Variants in SAE1 observed in about 807,000 individuals in gnomAD.
SAE1 encodes the protein SUMO1 activating enzyme subunit 1, also known as SUMO-activating enzyme subunit 1.
SAE1 carries 11 observed loss-of-function variants against 40.6 expected under a neutral mutation model. The observed-to-expected ratio is 0.27, with a 90% CI of 0.17 to 0.45. The LOEUF (loss-of-function observed/expected upper bound fraction) is 0.45, where lower values mean the gene tolerates loss of function less well. SAE1 is among the 20% of genes least tolerant of loss of function. The pLI is 1.00. For synonymous variants in SAE1, 155 were observed against 154.3 expected (o/e 1.00, Z -0.03); for missense variants, 373 against 427.3 (o/e 0.87, Z 1.12).
At chr19:47,173,133 A>G (rs578173357) in intron 6 of SAE1, among the ~76,000 whole-genome samples, 1 of 152,058 alleles carries the variant, frequency 6.6e-6, no homozygotes, top group Non-Finnish European at 1.5e-5. Context: ...GGTTCGAGCG[A>G]TTCTACAGGC....
At chr19:47,147,851 C>T (rs1007950301) in intron 2 of SAE1, among the ~76,000 whole-genome samples, 1 of 151,036 alleles carries the variant, frequency 6.6e-6, no homozygotes, top group African/African-American at 2.4e-5. Context: ...CTCTGCCTCC[C>T]GGGTTCACAC....
At chr19:47,183,959 G>A (rs948387598) in intron 6 of SAE1, among the ~76,000 whole-genome samples, 5 of 152,186 alleles carry the variant, frequency 3.3e-5, no homozygotes, top group Admixed American at 3.3e-4. Flanking sequence ...GCAAAGCAAT[G>A]CATTAGGGGC....
At chr19:47,173,456 A>G (rs549631901) in intron 6 of SAE1, among the ~76,000 whole-genome samples, 1 of 152,260 alleles carries the variant, frequency 6.6e-6, no homozygotes, top group African/African-American at 2.4e-5. Context: ...CCTAGATATC[A>G]GTTTTGTCCC....
At chr19:47,157,282 C>G (rs1030653999) in intron 5 of SAE1, among the ~76,000 whole-genome samples, 8 of 152,052 alleles carry the variant, frequency 5.3e-5, no homozygotes, top group Non-Finnish European at 1.0e-4. Context: ...AACTTGGGTG[C>G]CTTTCTTTCT....
At position 47,196,333 on chromosome 19, in the gene SAE1, C is replaced by T. The variant is rs571579984; in HGVS notation, c.734-900C>T. Among the ~76,000 whole-genome samples the T allele has an allele frequency of 9.2e-3, 257 of 27,878 alleles. 4 individuals are homozygous for T. The highest frequency in any genetic ancestry group is 0.015 in the Admixed American group (21 of 1,410). The allele number at this position is 27,878 out of a possible 152,430, so 18.3% of individuals were successfully genotyped here. Reference sequence around the variant, plus strand: ...TACAGGCGTGAGCCACCGCGCCTGGCTTTTTTTTTTTTTTTTTTTTTTTTT... The same window carrying T: ...TACAGGCGTGAGCCACCGCGCCTGGTTTTTTTTTTTTTTTTTTTTTTTTTT... On this transcript the variant is annotated intron_variant, in intron 6 of 8. Transcript: ENST00000270225.
At chr19:47,181,552 C>T (rs1411296682) in intron 6 of SAE1, among the ~76,000 whole-genome samples, 1 of 137,804 alleles carries the variant, frequency 7.3e-6, no homozygotes, top group Non-Finnish European at 1.5e-5. Flanking sequence ...CATCTCGGCT[C>T]ACTGCAAGCT....
At chr19:47,176,659 T>C (rs1271105801) in intron 6 of SAE1, among the ~76,000 whole-genome samples, 3 of 152,164 alleles carry the variant, frequency 2.0e-5, no homozygotes, top group Non-Finnish European at 4.4e-5. Context: ...AGATGTTTTT[T>C]ATTGCCCCAT....
At chr19:47,203,926 C>A (rs893436348) in intron 8 of SAE1, among the ~76,000 whole-genome samples, 186 bp downstream of exon 8, 1 of 152,136 alleles carries the variant, frequency 6.6e-6, no homozygotes, top group Non-Finnish European at 1.5e-5. Flanking sequence ...CAGCAAATGA[C>A]CTTGGAGTGC....
intron 1 of SAE1, among the ~76,000 whole-genome samples, chr19:47,135,047 G>C (rs1467395806): frequency 2.0e-5 from 3 of 152,100 alleles, no homozygotes; most frequent in Non-Finnish European, 4.4e-5. Flanking sequence ...TTTTTTGTGT[G>C]AGTACATAGT....
intron 6 of SAE1, among the ~76,000 whole-genome samples, chr19:47,170,716 A>G (rs1316061111): frequency 6.6e-6 from 1 of 152,062 alleles, no homozygotes; most frequent in South Asian, 2.1e-4. Flanking sequence ...CCATGTAGCC[A>G]GGCTGGACTT....
intron 6 of SAE1, among the ~76,000 whole-genome samples, chr19:47,187,927 A>G (rs1230885719): frequency 6.6e-6 from 1 of 152,134 alleles, no homozygotes; most frequent in Non-Finnish European, 1.5e-5. Flanking sequence ...AGTGCCTGCT[A>G]TGGGGCAAGC....
Sources: gnomAD v4.1 joint callset for allele counts (sites outside exome capture counted in the v4.1 genomes callset) on GRCh38, gnomAD v4.1.1 for gene constraint, MANE v1.5 for transcripts, NCBI Gene and HGNC (gene_info 2026-07-23, HGNC 2026-07-21) for gene names.